Variants in AIG1 observed in about 807,000 individuals in gnomAD.
The protein encoded by AIG1 is androgen-induced gene 1 protein.
A neutral mutation model predicts 31.4 loss-of-function variants in AIG1; 23 were observed. The ratio of observed to expected loss-of-function variants is 0.73; its 90% CI spans 0.53 to 1.04. The LOEUF (loss-of-function observed/expected upper bound fraction) is 1.04. AIG1 is among the 50% of genes least tolerant of loss of function. AIG1 has a pLI of 0.00. For synonymous variants in AIG1, 100 were observed against 110.5 expected (o/e 0.90, Z 0.60); for missense variants, 274 against 295.0 (o/e 0.93, Z 0.52).
intron 3 of AIG1, among the ~76,000 whole-genome samples, chr6:143,183,463 G>T (rs1250371389): frequency 6.6e-6 from 1 of 152,110 alleles, no homozygotes; most frequent in Non-Finnish European, 1.5e-5. Flanking sequence ...CAAAGTGCTG[G>T]GGTTACAGGC....
At chr6:143,208,549 C>T (rs1168537402) in intron 3 of AIG1, among the ~76,000 whole-genome samples, 1 of 152,150 alleles carries the variant, frequency 6.6e-6, no homozygotes, top group Non-Finnish European at 1.5e-5. Flanking sequence ...TCTTATGAGA[C>T]ATTTTAAGGA....
At chr6:143,120,420 G>A (rs1282569378) in intron 1 of AIG1, among the ~76,000 whole-genome samples, 1 of 152,122 alleles carries the variant, frequency 6.6e-6, no homozygotes, top group Non-Finnish European at 1.5e-5. Flanking sequence ...AGGTTTAATG[G>A]ACTCACAGAT....
chr6:143,337,810 A>G (rs950977479), intron 5 of AIG1, among the ~76,000 whole-genome samples: 4 of 152,180 alleles, frequency 2.6e-5, no homozygotes, highest in Admixed American at 1.3e-4. Flanking sequence ...CAGGAAGGGC[A>G]TGTGACTGAC....
chr6:143,071,828 G>A (rs1381711036), intron 1 of AIG1, among the ~76,000 whole-genome samples: 1 of 151,566 alleles, frequency 6.6e-6, no homozygotes, highest in African/African-American at 2.4e-5. Context: ...CTGTCACCCA[G>A]GCTGGAGTGC....
chr6:143,193,303 C>T (rs900721040), intron 3 of AIG1, among the ~76,000 whole-genome samples: 1 of 152,194 alleles, frequency 6.6e-6, no homozygotes, highest in African/African-American at 2.4e-5. Flanking sequence ...CCGTAGCCAG[C>T]CTATCTGTGG....
intron 3 of AIG1, among the ~76,000 whole-genome samples, chr6:143,171,466 TTAATATATATA>T (rs1343111077): frequency 1.7e-5 from 2 of 117,128 alleles, no homozygotes; most frequent in Non-Finnish European, 3.3e-5. Context: ...ATATATATAT[TTAATATATATA>T]ATATATATTA....
chr6:143,289,398 A>C (rs1425755542), intron 4 of AIG1, among the ~76,000 whole-genome samples: 1 of 152,116 alleles, frequency 6.6e-6, no homozygotes, highest in Non-Finnish European at 1.5e-5. Context: ...AGTTGTGCCT[A>C]AACTCCAAAA....
Position 143,312,513 on chromosome 6 carries a change from A to G in AIG1, c.516-20769A>G, listed in dbSNP as rs114790598. The stretch of plus-strand genomic sequence containing the variant: ...GGAAAACCGGATATCCATATGTACA[A>G]GAATGAAACTAGACCCCTATCTCTT... On this transcript the variant is annotated intron_variant, in intron 4 of 5. Coordinates refer to ENST00000357847, the MANE Select transcript of AIG1 (RefSeq NM_016108.4). Among the ~76,000 whole-genome samples the G allele has an allele frequency of 9.3e-3, 1,409 of 152,246 alleles. 14 individuals are homozygous for G. Among genetic ancestry groups the G allele is most frequent in the African/African-American group, 0.033 (1,355 of 41,540 alleles).
intron 4 of AIG1, among the ~76,000 whole-genome samples, chr6:143,302,349 A>G (rs531839930): frequency 4.0e-5 from 6 of 151,826 alleles, no homozygotes; most frequent in African/African-American, 1.5e-4. Context: ...CATTAGGTAT[A>G]TCTCCTAATG....
In AIG1 at chr6:143,334,196, A is replaced by G; in HGVS notation, c.679+751A>G. The G allele has an allele frequency of 1.7e-6, 2 of 1,179,920 alleles. No homozygotes were observed. The highest frequency in any genetic ancestry group is 1.6e-5 in the South Asian group (1 of 61,868). The allele number at this position is 1,179,920 out of a possible 1,614,324, so 73.1% of individuals were successfully genotyped here. A position where few individuals can be genotyped will look rare whatever the true frequency, so the allele number is the denominator to read the frequency against. The stretch of plus-strand genomic sequence containing the variant: ...AAAGCGCCAGCACAGACATGTAGTG[A>G]TTGAGTCCTGCATGAAAATACATCC... On this transcript the variant is annotated intron_variant, in intron 5 of 5. Coordinates refer to ENST00000357847, the MANE Select transcript of AIG1 (RefSeq NM_016108.4). This position sits in a 1 kb window ranked among gnomAD's most constrained non-coding sequence, Gnocchi z 5.1.
Position 143,314,184 on chromosome 6 carries a change from TAA to T in AIG1, c.516-19073_516-19072del, listed in dbSNP as rs35691634. Among the ~76,000 whole-genome samples the T allele has an allele frequency of 8.5e-4, 77 of 90,596 alleles. 1 individual carries two copies. Among genetic ancestry groups the T allele is most frequent in the East Asian group, 2.7e-3 (10 of 3,692 alleles). 59.4% of individuals were successfully genotyped at this position (90,596 alleles called of 152,430 possible). ...GGCAACAAAGCTGGAACCCATCTCT[TAA>T]AAAAAAAAAAAAAAAAAAAAAAAAG... On this transcript the variant is annotated intron_variant, in intron 4 of 5. Transcript: ENST00000357847.
At position 143,212,853 on chromosome 6, in the gene AIG1, A is replaced by G. The variant is rs576261110; in HGVS notation, c.399+47670A>G. Among the ~76,000 whole-genome samples the G allele has an allele frequency of 3.9e-5, 6 of 152,320 alleles. No individual in the cohort carries two copies. The South Asian group carries it at 1.2e-3, about 32-fold the overall frequency. ...AAAGCAGAGTGAATTTGAAAGGCAT[A>G]TATGCCCAGCATAACATCTCGTCTT... On this transcript the variant is annotated intron_variant, in intron 3 of 5. Coordinates refer to ENST00000357847, the MANE Select transcript of AIG1 (RefSeq NM_016108.4).
At chr6:143,170,333 G>A (rs1393508979) in intron 3 of AIG1, among the ~76,000 whole-genome samples, 1 of 151,982 alleles carries the variant, frequency 6.6e-6, no homozygotes, top group Admixed American at 6.6e-5. Context: ...ATGTGTCCAG[G>A]AATTTATCCA....
chr6:143,307,046 C>T (rs1306899767), intron 4 of AIG1, among the ~76,000 whole-genome samples: 1 of 152,156 alleles, frequency 6.6e-6, no homozygotes, highest in Non-Finnish European at 1.5e-5. Context: ...TGGCTTTCAG[C>T]TCCATCAGCT....
chr6:143,150,926 T>C (rs1785169018), intron 2 of AIG1, among the ~76,000 whole-genome samples: 1 of 152,174 alleles, frequency 6.6e-6, no homozygotes, highest in South Asian at 2.1e-4. Flanking sequence ...AAAATATCTA[T>C]AATTGGTCCA....
intron 1 of AIG1, among the ~76,000 whole-genome samples, chr6:143,131,908 A>G (rs1405415421): frequency 1.3e-5 from 2 of 152,206 alleles, no homozygotes; most frequent in Non-Finnish European, 2.9e-5. Flanking sequence ...ATGGACAACT[A>G]ATACATTAGC....
rs1798141898 is a variant in AIG1 at position 143,292,757 on chromosome 6, A to G, written c.515+8532A>G. On this transcript the variant is annotated intron_variant, in intron 4 of 5. Coordinates refer to ENST00000357847, the MANE Select transcript of AIG1 (RefSeq NM_016108.4). The surrounding 1 kb of genome is among the most constrained non-coding windows in gnomAD (Gnocchi z 4.9). Reference sequence around the variant, plus strand: ...TATCCGAAACAAAAAAAGCATGATGATAGTGATCAGGCAGGATTGCCGTGA... The same window carrying G: ...TATCCGAAACAAAAAAAGCATGATGGTAGTGATCAGGCAGGATTGCCGTGA... Among the ~76,000 whole-genome samples, 1 of 152,236 alleles carries G rather than the reference A, an allele frequency of 6.6e-6. No homozygotes were observed. The highest frequency in any genetic ancestry group is 2.1e-4 in the South Asian group (1 of 4,830).
Position 143,299,986 on chromosome 6 carries a change from C to T in AIG1, c.515+15761C>T, listed in dbSNP as rs1798711167. Reference sequence around the variant, plus strand: ...TTCTGACACTGCTGTGAAACATCCACCGTGCACCACCACCGGGCTAGAATC... The same window carrying T: ...TTCTGACACTGCTGTGAAACATCCATCGTGCACCACCACCGGGCTAGAATC... On this transcript the variant is annotated intron_variant, in intron 4 of 5. Transcript: ENST00000357847. The surrounding 1 kb of genome is among the most constrained non-coding windows in gnomAD (Gnocchi z 4.1). 6.6e-6 allele frequency among the ~76,000 whole-genome samples: 1 copy of T among 152,190 alleles called. No individual in the cohort carries two copies. Among genetic ancestry groups the T allele is most frequent in the Non-Finnish European group, 1.5e-5 (1 of 68,044 alleles).
At chr6:143,230,452 T>C (rs528588450) in intron 3 of AIG1, among the ~76,000 whole-genome samples, 2 of 150,002 alleles carry the variant, frequency 1.3e-5, no homozygotes, top group African/African-American at 4.9e-5. Flanking sequence ...ATATTTAGTG[T>C]TTGTTGAATT....
Sources: allele counts gnomAD v4.1 joint callset (sites outside exome capture counted in the v4.1 genomes callset), GRCh38; gene constraint gnomAD v4.1.1; non-coding constraint Gnocchi (gnomAD v3.1); transcripts MANE v1.5; gene names NCBI Gene and HGNC (gene_info 2026-07-23, HGNC 2026-07-21).